UBXN2B: variants seen among roughly 807,000 people sequenced by gnomAD.
UBXN2B encodes the protein UBX domain protein 2B.
Under a neutral mutation model 37.5 loss-of-function variants are expected in UBXN2B, and 19 were observed. The ratio of observed to expected loss-of-function variants is 0.51; its 90% CI spans 0.35 to 0.74. The LOEUF (loss-of-function observed/expected upper bound fraction) is 0.74. Among genes scored for constraint, UBXN2B ranks in the 30% least tolerant of loss-of-function variants. The pLI, the probability that UBXN2B is intolerant of heterozygous loss-of-function variation, is 0.01. For synonymous variants in UBXN2B, 145 were observed against 143.8 expected (o/e 1.01, Z -0.06); for missense variants, 370 against 393.2 (o/e 0.94, Z 0.50).
At chr8:58,414,174 C>T (rs1807712706) in intron 1 of UBXN2B, among the ~76,000 whole-genome samples, 1 of 152,194 alleles carries the variant, frequency 6.6e-6, no homozygotes, top group Non-Finnish European at 1.5e-5. Context: ...GTACCCTAAT[C>T]ATATTGAATG....
At position 58,424,694 on chromosome 8, in the gene UBXN2B, G is replaced by A. The variant is rs560545823; in HGVS notation, c.189-5825G>A. On this transcript the variant is annotated intron_variant, in intron 2 of 7. Coordinates refer to ENST00000399598, the MANE Select transcript of UBXN2B (RefSeq NM_001077619.2). ...TGGAGTTGGAGTACAAGGCGGGGGGGGGGGCTCTGATCTCCACTCGTCTGG... is the reference window on the plus strand; with the variant it reads ...TGGAGTTGGAGTACAAGGCGGGGGGAGGGGCTCTGATCTCCACTCGTCTGG... 34 of 1,333,382 alleles carry A rather than the reference G, an allele frequency of 2.5e-5. No individual in the cohort carries two copies. The Admixed American group carries it at 2.7e-4, about 11-fold the overall frequency. The allele number at this position is 1,333,382 out of a possible 1,614,324, so 82.6% of individuals were successfully genotyped here.
At position 58,425,947 on chromosome 8, in the gene UBXN2B, G is replaced by T. The variant is rs1055714925; in HGVS notation, c.189-4572G>T. ...GAACAAAATCTCCAAGGTGGCTCTG[G>T]CTCTCTCATACAAGAAAACTACCAT... On this transcript the variant is annotated intron_variant, in intron 2 of 7. Transcript: ENST00000399598. The T allele has an allele frequency of 1.4e-5, 20 of 1,399,440 alleles. No homozygotes were observed. The African/African-American group carries it at 2.7e-4, about 19-fold the overall frequency. The allele number at this position is 1,399,440 out of a possible 1,614,324, so 86.7% of individuals were successfully genotyped here. A position where few individuals can be genotyped will look rare whatever the true frequency, so the allele number is the denominator to read the frequency against.
chr8:58,425,282 A>G, intron 2 of UBXN2B: 1 of 1,147,220 alleles, frequency 8.7e-7, no homozygotes, highest in East Asian at 2.3e-5. Context: ...CATTTACTCT[A>G]TCCTCTCTCC....
rs551554324 is a variant in UBXN2B, at chr8:58,426,718, C to T, written c.189-3801C>T. 180 of 682,390 alleles carry T rather than the reference C, an allele frequency of 2.6e-4. 1 individual carries two copies. The highest frequency in any genetic ancestry group is 9.8e-4 in the African/African-American group (56 of 57,018). 42.3% of individuals were successfully genotyped at this position (682,390 alleles called of 1,614,324 possible). ...CCACATTCCGGCTCCGTGACAGACC[C>T]GTTCCTTGCTCAGGCTCCACTGGGC... On this transcript the variant is annotated intron_variant, in intron 2 of 7. Coordinates refer to ENST00000399598, the MANE Select transcript of UBXN2B (RefSeq NM_001077619.2).
intron 5 of UBXN2B, 66 bp downstream of exon 5, chr8:58,434,570 C>T: frequency 8.6e-7 from 1 of 1,169,554 alleles, no homozygotes; most frequent in Non-Finnish European, 1.2e-6. Context: ...ACAGACTACT[C>T]ATTATTAGTG....
chr8:58,422,630 T>C (rs1807958160), intron 2 of UBXN2B, among the ~76,000 whole-genome samples: 1 of 152,224 alleles, frequency 6.6e-6, no homozygotes, highest in African/African-American at 2.4e-5. Flanking sequence ...TCCTTCTCAC[T>C]GTGGCCTGAC....
intron 6 of UBXN2B, 80 bp from the exon 7 acceptor site, chr8:58,445,827 A>G (rs1808652629): frequency 4.0e-6 from 5 of 1,256,908 alleles, no homozygotes; most frequent in Admixed American, 3.3e-5. Flanking sequence ...AAATGAAGCC[A>G]TGTTCTAAGT....
chr8:58,441,348 C>CGTGTATATAT (rs1242681481), intron 6 of UBXN2B, among the ~76,000 whole-genome samples: 2 of 104,660 alleles, frequency 1.9e-5, no homozygotes, highest in African/African-American at 8.0e-5. Context: ...TTGTGATCAA[C>CGTGTATATAT]ATATATATAT....
chr8:58,426,672 C>CTCTA, intron 2 of UBXN2B: 1 of 733,504 alleles, frequency 1.4e-6, no homozygotes, highest in African/African-American at 1.7e-5. Flanking sequence ...GTGAAACCAT[C>CTCTA]TCTACAATGT....
intron 6 of UBXN2B, among the ~76,000 whole-genome samples, chr8:58,445,515 T>G (rs533747542): frequency 1.3e-5 from 2 of 152,344 alleles, no homozygotes; most frequent in East Asian, 3.9e-4. Context: ...TCCCTCACTT[T>G]ATAAATGATA....
At chr8:58,441,351 A>ATATATATATATATGTATGTG (rs1554553160) in intron 6 of UBXN2B, among the ~76,000 whole-genome samples, 1 of 76,100 alleles carries the variant, frequency 1.3e-5, no homozygotes, top group Non-Finnish European at 2.7e-5. Context: ...TGATCAACAT[A>ATATATATATATATGTATGTG]TATATATATA....
chr8:58,418,234 C>CT (rs1416883259), intron 2 of UBXN2B, among the ~76,000 whole-genome samples: 4 of 122,156 alleles, frequency 3.3e-5, no homozygotes, highest in African/African-American at 1.3e-4. Flanking sequence ...GAGAAGGACT[C>CT]TGTCTCCAAA....
In UBXN2B at chr8:58,450,152, C is replaced by T. The variant is rs769399415; in HGVS notation, c.*2601C>T. 9 of 152,166 alleles carry T rather than the reference C, an allele frequency of 5.9e-5. No homozygotes were observed. Among genetic ancestry groups the T allele is most frequent in the African/African-American group, 9.7e-5 (4 of 41,444 alleles). 9.4% of individuals were successfully genotyped at this position (152,166 alleles called of 1,614,324 possible). ...TTCTCTAGAGTAAAGGCTGTCCTGA[C>T]GGTGAATCTTAGTTTTAGTGGCTTT... On this transcript the variant is annotated 3_prime_UTR_variant, in exon 8 of 8. Transcript: ENST00000399598.
At chr8:58,424,695 G>GTT (rs1808031122) in intron 2 of UBXN2B, 1 of 1,333,438 alleles carries the variant, frequency 7.5e-7, no homozygotes, top group East Asian at 2.3e-5. Flanking sequence ...GGCGGGGGGG[G>GTT]GGGCTCTGAT....
intron 2 of UBXN2B, chr8:58,424,639 A>G (rs1165921513): frequency 4.5e-6 from 5 of 1,120,140 alleles, no homozygotes; most frequent in South Asian, 1.2e-5. Context: ...CATACACTCT[A>G]GCACTGTCTG....
intron 3 of UBXN2B, 144 bp downstream of exon 3, chr8:58,430,813 T>C (rs867877101): frequency 1.0e-5 from 7 of 677,828 alleles, no homozygotes; most frequent in Non-Finnish European, 4.2e-6. Flanking sequence ...ATAATATTTC[T>C]ATTAATGATT....
intron 5 of UBXN2B, chr8:58,435,192 A>T (rs1808380946): frequency 7.9e-7 from 1 of 1,263,406 alleles, no homozygotes; most frequent in Non-Finnish European, 1.0e-6. Context: ...GTAGGAAAGG[A>T]TCAGAGTTTT....
At chr8:58,432,282 A>C (rs1223740666) in intron 3 of UBXN2B, among the ~76,000 whole-genome samples, 1 of 140,260 alleles carries the variant, frequency 7.1e-6, no homozygotes, top group Non-Finnish European at 1.5e-5. Context: ...ACCAGAGTTT[A>C]TTGTTTTGCT....
At chr8:58,425,440 A>G (rs1235083814) in intron 2 of UBXN2B, 1 of 1,135,934 alleles carries the variant, frequency 8.8e-7, no homozygotes, top group Non-Finnish European at 1.3e-6. Context: ...AAATTTGGGC[A>G]TGATGATATT....
Sources: gnomAD v4.1 joint callset for allele counts (sites outside exome capture counted in the v4.1 genomes callset) on GRCh38, gnomAD v4.1.1 for gene constraint, MANE v1.5 for transcripts, NCBI Gene and HGNC (gene_info 2026-07-23, HGNC 2026-07-21) for gene names.